Variants in KREMEN1 observed in about 807,000 individuals in gnomAD.
KREMEN1 encodes the protein kringle containing transmembrane protein 1.
Under a neutral mutation model 46.5 loss-of-function variants are expected in KREMEN1, and 30 were observed. That is an observed-to-expected ratio of 0.65 (90% confidence interval 0.48 to 0.88). The LOEUF is 0.88. Among genes scored for constraint, KREMEN1 ranks in the 40% least tolerant of loss-of-function variants. The pLI, the probability that KREMEN1 is intolerant of heterozygous loss-of-function variation, is 0.00. For missense variants in KREMEN1, 533 were observed against 596.9 expected, an observed-to-expected ratio of 0.89 and a Z score of 1.11; for synonymous variants, 214 against 230.6, an observed-to-expected ratio of 0.93 and a Z score of 0.65.
chr22:29,162,814 G>A (rs933325988), intron 9 of KREMEN1, among the ~76,000 whole-genome samples: 1 of 152,222 alleles, frequency 6.6e-6, no homozygotes, highest in Non-Finnish European at 1.5e-5. Context: ...ACTTGTGTGT[G>A]CATTGCGGCA....
At chr22:29,135,291 C>T (rs932049772) in intron 5 of KREMEN1, among the ~76,000 whole-genome samples, 2 of 152,142 alleles carry the variant, frequency 1.3e-5, no homozygotes, top group Non-Finnish European at 2.9e-5. Flanking sequence ...TTCAAGGAGG[C>T]TGAAATTTGG....
At chr22:29,154,283 C>A (rs1601821903) in intron 9 of KREMEN1, 1 of 152,304 alleles carries the variant, frequency 6.6e-6, no homozygotes, top group Admixed American at 6.5e-5. Flanking sequence ...TCCCCCAGGA[C>A]CTTCAATATG....
intron 4 of KREMEN1, among the ~76,000 whole-genome samples, chr22:29,124,699 G>A (rs538834463): frequency 6.6e-6 from 1 of 152,104 alleles, no homozygotes; most frequent in South Asian, 2.1e-4. Flanking sequence ...CACTTTGTTG[G>A]CCAGACTGGT....
At chr22:29,137,263 G>T in intron 5 of KREMEN1, 79 bp from the exon 6 acceptor site, 1 of 993,422 alleles carries the variant, frequency 1.0e-6, no homozygotes, top group Non-Finnish European at 1.4e-6. Flanking sequence ...CGTTAGGAAG[G>T]CTTTAGTGCC....
intron 3 of KREMEN1, among the ~76,000 whole-genome samples, chr22:29,106,213 A>G (rs1030743744): frequency 7.3e-6 from 1 of 137,818 alleles, no homozygotes; most frequent in Non-Finnish European, 1.6e-5. Flanking sequence ...TTATATTCAC[A>G]TTATCTTTTT....
chr22:29,120,625 A>ACGG (rs1167677627), intron 3 of KREMEN1, among the ~76,000 whole-genome samples: 1 of 151,838 alleles, frequency 6.6e-6, no homozygotes. Context: ...GAAACGGAGG[A>ACGG]AGGAGAGGTG....
intron 3 of KREMEN1, among the ~76,000 whole-genome samples, chr22:29,118,872 T>G: frequency 6.6e-6 from 1 of 152,112 alleles, no homozygotes; most frequent in East Asian, 1.9e-4. Context: ...GTCCTACAAT[T>G]AAGTTATGGC....
intron 3 of KREMEN1, among the ~76,000 whole-genome samples, chr22:29,112,489 T>G (rs1021037766): frequency 6.6e-6 from 1 of 152,206 alleles, no homozygotes; most frequent in Admixed American, 6.5e-5. Context: ...TTAGTGGGCC[T>G]GCCTGATTGC....
At chr22:29,116,762 C>T (rs1342957145) in intron 3 of KREMEN1, among the ~76,000 whole-genome samples, 1 of 152,122 alleles carries the variant, frequency 6.6e-6, no homozygotes, top group Non-Finnish European at 1.5e-5. Context: ...ATGCCTGGCT[C>T]AGGTTTCCAC....
rs570989880 is a variant in KREMEN1 at position 29,138,915 on chromosome 22, C to T, written c.1123+133C>T. On this transcript the variant is annotated intron_variant, in intron 7 of 8. Transcript: ENST00000400335. ...CAGGTTGGGATACTGGCTCTGTGACCTATAGTCTGTCCTGGCTTTTGAGGG... is the reference window on the plus strand; with the variant it reads ...CAGGTTGGGATACTGGCTCTGTGACTTATAGTCTGTCCTGGCTTTTGAGGG... The T allele has an allele frequency of 1.4e-5, 18 of 1,300,782 alleles. No individual in the cohort carries two copies. In the Admixed American group the frequency reaches 2.9e-4, roughly 21 times the overall value. 80.6% of individuals were successfully genotyped at this position (1,300,782 alleles called of 1,614,324 possible). A position where few individuals can be genotyped will look rare whatever the true frequency, so the allele number is the denominator to read the frequency against.
rs16987167 is a variant in KREMEN1, at chr22:29,145,877, C to T, written c.*3765C>T. 952 of 985,742 alleles carry T rather than the reference C, an allele frequency of 9.7e-4. 9 individuals are homozygous for T. The African/African-American group carries it at 0.015, about 15-fold the overall frequency. 61.1% of individuals were successfully genotyped at this position (985,742 alleles called of 1,614,324 possible). On this transcript the variant is annotated 3_prime_UTR_variant, in exon 9 of 9. Coordinates refer to ENST00000400335, the MANE Select transcript of KREMEN1 (RefSeq NM_001039570.3). Reference sequence around the variant, plus strand: ...TGTCCTGGCCCTCGGGTAGAACCCACGGGCGTGCCTGGGTGCGGCTCCACC... The same window carrying T: ...TGTCCTGGCCCTCGGGTAGAACCCATGGGCGTGCCTGGGTGCGGCTCCACC...
chr22:29,113,546 A>G (rs1261952859), intron 3 of KREMEN1, among the ~76,000 whole-genome samples: 1 of 152,150 alleles, frequency 6.6e-6, no homozygotes, highest in Non-Finnish European at 1.5e-5. Context: ...GCCTTGTGGT[A>G]TTTACTTTAT....
At chr22:29,079,197 C>A (rs1195784565) in intron 1 of KREMEN1, among the ~76,000 whole-genome samples, 1 of 152,174 alleles carries the variant, frequency 6.6e-6, no homozygotes, top group African/African-American at 2.4e-5. Context: ...AACGTGACTT[C>A]TCTTCTAAGG....
intron 1 of KREMEN1, among the ~76,000 whole-genome samples, chr22:29,092,550 C>T (rs2037820678): frequency 6.6e-6 from 1 of 152,222 alleles, no homozygotes. Flanking sequence ...TTATGCGACA[C>T]TGAACTGCCT....
intron 5 of KREMEN1, among the ~76,000 whole-genome samples, chr22:29,131,760 A>G (rs1456458879): frequency 6.0e-5 from 8 of 132,368 alleles, no homozygotes; most frequent in African/African-American, 2.5e-4. Context: ...ATATATGTAT[A>G]TATATATGTA....
chr22:29,101,050 C>T (rs1436665519), intron 3 of KREMEN1, among the ~76,000 whole-genome samples: 7 of 152,028 alleles, frequency 4.6e-5, no homozygotes, highest in Non-Finnish European at 1.0e-4. Flanking sequence ...CCAGGAGTTC[C>T]AGGCCAGCTT....
chr22:29,119,791 G>A (rs117871497), intron 3 of KREMEN1, among the ~76,000 whole-genome samples: 9 of 152,340 alleles, frequency 5.9e-5, no homozygotes, highest in African/African-American at 1.9e-4. Flanking sequence ...GCTCAGTGTG[G>A]TGGGCTGAAG....
chr22:29,140,652 C>G (rs995428788), intron 8 of KREMEN1, among the ~76,000 whole-genome samples: 2 of 144,922 alleles, frequency 1.4e-5, no homozygotes, highest in African/African-American at 5.8e-5. Flanking sequence ...TGTGCTAGTC[C>G]CTTACGGAGA....
intron 5 of KREMEN1, among the ~76,000 whole-genome samples, chr22:29,132,164 G>C (rs118156219): frequency 6.6e-6 from 1 of 151,982 alleles, no homozygotes; most frequent in African/African-American, 2.4e-5. Context: ...GAGCCACCAC[G>C]ACCGGCCAGA....
Sources: gnomAD v4.1 joint callset for allele counts (sites outside exome capture counted in the v4.1 genomes callset) on GRCh38, gnomAD v4.1.1 for gene constraint, MANE v1.5 for transcripts, NCBI Gene and HGNC (gene_info 2026-07-23, HGNC 2026-07-21) for gene names.